The following RASAL2 variants were observed in gnomAD, a reference collection of about 807,000 sequenced individuals.
RASAL2 encodes ras GTPase-activating protein nGAP.
A neutral mutation model predicts 128.9 loss-of-function variants in RASAL2; 58 were observed. The ratio of observed to expected loss-of-function variants is 0.45; its 90% CI spans 0.36 to 0.56. The LOEUF (loss-of-function observed/expected upper bound fraction) is 0.56, where lower values mean the gene tolerates loss of function less well. RASAL2 is among the 20% of genes least tolerant of loss of function. The probability of loss-of-function intolerance (pLI) is 0.00; values close to 1 mark genes in which losing one functional copy is unlikely to be tolerated. For synonymous variants in RASAL2, 561 were observed against 580.8 expected, an observed-to-expected ratio of 0.97 and a Z score of 0.49; for missense variants, 1,360 against 1,601.6, an observed-to-expected ratio of 0.85 and a Z score of 2.57.
chr1:178,466,691 T>A (rs909924161), intron 16 of RASAL2, among the ~76,000 whole-genome samples: 4 of 152,250 alleles, frequency 2.6e-5, no homozygotes, highest in African/African-American at 9.6e-5. Context: ...ATTCATTAAG[T>A]CACTTGCCCA....
chr1:178,267,938 C>T (rs546321639), intron 1 of RASAL2, among the ~76,000 whole-genome samples: 1 of 151,794 alleles, frequency 6.6e-6, no homozygotes, highest in African/African-American at 2.4e-5. Context: ...GGTTGTATTC[C>T]TCGTTGTGTG....
intron 9 of RASAL2, among the ~76,000 whole-genome samples, chr1:178,447,502 C>T (rs1677085370): frequency 6.6e-6 from 1 of 150,500 alleles, no homozygotes. Flanking sequence ...GCTGAAACCC[C>T]ATCTCTACTA....
chr1:178,300,930 A>G (rs899468509), intron 3 of RASAL2, among the ~76,000 whole-genome samples: 6 of 152,214 alleles, frequency 3.9e-5, no homozygotes, highest in Non-Finnish European at 8.8e-5. Context: ...GACTTTTGAC[A>G]TTTGATAAGT....
At chr1:178,095,756 C>T (rs533448543) in intron 1 of RASAL2, among the ~76,000 whole-genome samples, 4 of 152,202 alleles carry the variant, frequency 2.6e-5, no homozygotes, top group African/African-American at 9.6e-5. Context: ...TAATGTCCAT[C>T]GCAAAGATCA....
At position 178,441,630 on chromosome 1, in the gene RASAL2, A is replaced by G. The variant is rs780683431; in HGVS notation, c.910A>G (p.Thr304Ala). The change falls in exon 7 of 18, where the codon ACA (threonine) becomes GCA (alanine). Residue 304 changes from threonine (T) to alanine (A), a missense_variant. This residue lies in a region of RASAL2 where 617 missense variants were observed against 714.2 expected (regional missense o/e 0.86). Transcript: ENST00000367649. ...CAAGTGGATGGAAAACCTTCGCAGG[A>G]CAGTTCAACCTAATAAGGTAATAGT... ...RDKWMENLRRTVQPNKDNCRR... is the reference protein window; with the variant it reads ...RDKWMENLRRAVQPNKDNCRR... The G allele has an allele frequency of 1.7e-5, 27 of 1,611,852 alleles. No individual in the cohort carries two copies. Among genetic ancestry groups the G allele is most frequent in the Middle Eastern group, 3.3e-4 (2 of 6,066 alleles).
At chr1:178,421,714 T>C (rs917292067) in intron 5 of RASAL2, among the ~76,000 whole-genome samples, 4 of 151,924 alleles carry the variant, frequency 2.6e-5, no homozygotes, top group Admixed American at 6.6e-5. Context: ...AATAAAATTA[T>C]AGATTTGCCA....
At chr1:178,216,044 CT>C (rs1663411403) in intron 1 of RASAL2, among the ~76,000 whole-genome samples, 1 of 152,160 alleles carries the variant, frequency 6.6e-6, no homozygotes, top group Non-Finnish European at 1.5e-5. Flanking sequence ...GCTCTTGAGA[CT>C]TTTTGCTCTA....
chr1:178,169,319 C>T (rs1328975147), intron 1 of RASAL2, among the ~76,000 whole-genome samples: 2 of 151,964 alleles, frequency 1.3e-5, no homozygotes, highest in South Asian at 2.1e-4. Context: ...GGATCTTTGG[C>T]GACACTTCGT....
rs575938986 is a variant in RASAL2, at chr1:178,181,689, C to T, written c.202+86995C>T. On this transcript the variant is annotated intron_variant, in intron 1 of 17. Coordinates refer to ENST00000367649, the MANE Select transcript of RASAL2 (RefSeq NM_170692.4). ...ATCTTGGCATCTTGGCTGTGACAGT[C>T]TCTCAGGCGTTCTTTATTTTTTATG... Among the ~76,000 whole-genome samples, 9 of 152,146 alleles carry T rather than the reference C, an allele frequency of 5.9e-5. No individual in the cohort carries two copies. The South Asian group carries it at 1.9e-3, about 32-fold the overall frequency.
intron 5 of RASAL2, among the ~76,000 whole-genome samples, chr1:178,426,837 G>A (rs1675547194): frequency 6.6e-6 from 1 of 152,034 alleles, no homozygotes; most frequent in African/African-American, 2.4e-5. Flanking sequence ...AAGAAACAAG[G>A]AGCCTTTAAA....
intron 1 of RASAL2, among the ~76,000 whole-genome samples, chr1:178,149,230 G>C (rs1471013734): frequency 6.6e-6 from 1 of 152,052 alleles, no homozygotes; most frequent in Admixed American, 6.5e-5. Context: ...AAGAGTTTAT[G>C]TTCTTAGATT....
chr1:178,440,407 A>G (rs1214596279), intron 6 of RASAL2, among the ~76,000 whole-genome samples: 1 of 152,058 alleles, frequency 6.6e-6, no homozygotes, highest in Non-Finnish European at 1.5e-5. Context: ...CAACATGTTC[A>G]CTATCAGAGA....
intron 3 of RASAL2, among the ~76,000 whole-genome samples, chr1:178,349,486 T>C (rs926057066): frequency 6.6e-6 from 1 of 152,004 alleles, no homozygotes; most frequent in Non-Finnish European, 1.5e-5. Flanking sequence ...TTTGGGGTCA[T>C]TGAATAGGTT....
chr1:178,252,798 T>G (rs548088305), intron 1 of RASAL2, among the ~76,000 whole-genome samples: 7 of 152,338 alleles, frequency 4.6e-5, no homozygotes, highest in Middle Eastern at 3.4e-3. Context: ...CTTTAACACC[T>G]TGCTTTCCCT....
intron 4 of RASAL2, among the ~76,000 whole-genome samples, chr1:178,410,473 C>A (rs555028672): frequency 6.6e-6 from 1 of 152,012 alleles, no homozygotes; most frequent in Non-Finnish European, 1.5e-5. Flanking sequence ...GCAAAGACTT[C>A]GTGATCAAGA....
chr1:178,159,129 T>C (rs1317221538), intron 1 of RASAL2, among the ~76,000 whole-genome samples: 1 of 152,254 alleles, frequency 6.6e-6, no homozygotes, highest in East Asian at 1.9e-4. Context: ...TAAAATAGTC[T>C]TAAAAGTGAA....
intron 4 of RASAL2, among the ~76,000 whole-genome samples, chr1:178,402,018 G>A (rs1673659207): frequency 6.6e-6 from 1 of 152,180 alleles, no homozygotes; most frequent in South Asian, 2.1e-4. Context: ...TCACTTGTAT[G>A]ATCAAGAGCA....
intron 1 of RASAL2, among the ~76,000 whole-genome samples, chr1:178,157,487 G>T (rs1233989827): frequency 1.3e-5 from 2 of 152,188 alleles, no homozygotes; most frequent in African/African-American, 4.8e-5. Flanking sequence ...AGTGGGGAAG[G>T]ACTGTAGGCT....
intron 1 of RASAL2, among the ~76,000 whole-genome samples, chr1:178,199,821 G>A (rs1396489106): frequency 6.6e-6 from 1 of 152,160 alleles, no homozygotes; most frequent in East Asian, 1.9e-4. Context: ...ATTAACTTTT[G>A]AGTCAGTGGA....
Sources: allele counts gnomAD v4.1 joint callset (sites outside exome capture counted in the v4.1 genomes callset), GRCh38; gene constraint gnomAD v4.1.1; regional missense constraint gnomAD v4.1.1; transcripts MANE v1.5; gene names NCBI Gene and HGNC (gene_info 2026-07-23, HGNC 2026-07-21).